Variants in KTN1 observed in about 807,000 individuals in gnomAD.
The protein encoded by KTN1 is kinectin 1, also known as kinectin.
In KTN1, 130 loss-of-function variants were observed where a neutral mutation model predicts 222.5. That is an observed-to-expected ratio of 0.58 (90% CI 0.51 to 0.68). The LOEUF is 0.68. KTN1 is among the 30% of genes least tolerant of loss of function. The probability of loss-of-function intolerance (pLI) is 0.00; values close to 1 mark genes in which losing one functional copy is unlikely to be tolerated. For missense variants in KTN1, 1,508 were observed against 1,500.4 expected, an observed-to-expected ratio of 1.01 and a Z score of -0.08; for synonymous variants, 512 against 496.3, an observed-to-expected ratio of 1.03 and a Z score of -0.42.
rs368475157 is a variant in KTN1 at position 55,628,025 on chromosome 14, C to T, written c.1077C>T (p.Thr359=). The part of the protein sequence containing the change: ...AATKDRCKQL[T]QEMMTEKERS... ...CAAAGGATCGGTGTAAGCAGTTAAC[C>T]CAGGTGAAGACATTCTTATGTACGA... Residue 359 remains threonine, a synonymous_variant, in exon 6 of 44, where the codon ACC becomes ACT. Transcript: ENST00000395314. 1.9e-6 allele frequency: 3 copies of T among 1,589,508 alleles called. No homozygotes were observed. Among genetic ancestry groups the T allele is most frequent in the South Asian group, 1.1e-5 (1 of 90,494 alleles).
intron 3 of KTN1, 30 bp downstream of exon 3, chr14:55,616,684 T>C: frequency 6.4e-7 from 1 of 1,554,468 alleles, no homozygotes. Context: ...ATTTTTATAA[T>C]GCTAATTCTA....
In KTN1 at chr14:55,630,047, C is replaced by G. The variant is rs2040338015; in HGVS notation, c.1171C>G (p.Gln391Glu). Residue 391 changes from glutamine to glutamate, a missense_variant, in exon 7 of 44, where the codon CAA (glutamine) becomes GAA (glutamate). Gln to Glu is a conservative substitution (Grantham distance 29). Transcript: ENST00000395314. ...ATTAGAAAAGGAACATAATGTATTTCAAAACAAAATACATGTCAGTTATCA... is the reference window on the plus strand; with the variant it reads ...ATTAGAAAAGGAACATAATGTATTTGAAAACAAAATACATGTCAGTTATCA... ...GTLEKEHNVF[Q>E]NKIHVSYQET... 1.9e-6 allele frequency: 3 copies of G among 1,604,066 alleles called. No individual in the cohort carries two copies. Among genetic ancestry groups the G allele is most frequent in the Non-Finnish European group, 8.5e-7 (1 of 1,171,116 alleles).
At position 55,636,474 on chromosome 14, in the gene KTN1, G is replaced by A; in HGVS notation, c.1487G>A (p.Arg496Lys). ...LKVQLQEAERRWEEVQSYIRK... is the reference protein window; with the variant it reads ...LKVQLQEAERKWEEVQSYIRK... ...GTTCAACTACAAGAAGCTGAGAGAA[G>A]GTGGGAAGAAGTTCAGAGCTACATC... Residue 496 changes from arginine to lysine, a missense_variant, in exon 10 of 44, where the codon AGG becomes AAG. Physicochemically the swap from Arg to Lys is conservative, Grantham distance 26. Transcript: ENST00000395314. The A allele has an allele frequency of 6.2e-7, 1 of 1,610,838 alleles. No individual in the cohort carries two copies. The highest frequency in any genetic ancestry group is 8.5e-7 in the Non-Finnish European group (1 of 1,178,298).
intron 43 of KTN1, 26 bp downstream of exon 43, chr14:55,679,711 C>A: frequency 6.2e-7 from 1 of 1,607,560 alleles, no homozygotes; most frequent in South Asian, 1.1e-5. Flanking sequence ...ATATTGCTGT[C>A]TATGGGTAAT....
At position 55,640,984 on chromosome 14, in the gene KTN1, T is replaced by C. The variant is rs759802801; in HGVS notation, c.2021+14T>C. 8.1e-6 allele frequency: 13 copies of C among 1,597,434 alleles called. No individual in the cohort carries two copies. Among genetic ancestry groups the C allele is most frequent in the Non-Finnish European group, 1.1e-5 (13 of 1,165,522 alleles). ...GATGCAACAAAGGTGACTAAAGTAT[T>C]GTACATCTAGTCGTTCATACATTTA... On this transcript the variant is annotated intron_variant, in intron 16 of 43. Transcript: ENST00000395314.
At position 55,669,137 on chromosome 14, in the gene KTN1, A is replaced by C. The variant is rs72719485; in HGVS notation, c.3268-1592A>C. On this transcript the variant is annotated intron_variant, in intron 34 of 43. Transcript: ENST00000395314. The stretch of plus-strand genomic sequence containing the variant: ...TTATGGAAATAATACTGGGGGATGT[A>C]TTTTTTGGCAGTACTTTATGAGCCA... Among the ~76,000 whole-genome samples the C allele has an allele frequency of 9.2e-3, 1,405 of 151,952 alleles. 21 individuals carry two copies. Among genetic ancestry groups the C allele is most frequent in the Non-Finnish European group, 0.016 (1,058 of 67,914 alleles).
chr14:55,580,539 T>C (rs7142200), intron 1 of KTN1, among the ~76,000 whole-genome samples, 185 bp downstream of exon 1: 80,484 of 149,776 alleles, frequency 0.54, 23,736 homozygotes, highest in African/African-American at 0.8. Flanking sequence ...GGGGCTCTTG[T>C]TGGGGCCGGG....
intron 20 of KTN1, 33 bp downstream of exon 20, chr14:55,648,148 A>T (rs17128657): frequency 0.27 from 306,056 of 1,116,094 alleles, 42,377 homozygotes; most frequent in Middle Eastern, 0.34. Context: ...TTTCCTTGTG[A>T]TTATTCAGTG....
At chr14:55,638,570 A>G (rs1009820236) in intron 12 of KTN1, among the ~76,000 whole-genome samples, 14 of 150,706 alleles carry the variant, frequency 9.3e-5, no homozygotes, top group African/African-American at 3.1e-4. Context: ...GACCATATAA[A>G]TATATTTTTC....
At chr14:55,593,907 G>A (rs2034589956) in intron 1 of KTN1, among the ~76,000 whole-genome samples, 1 of 151,796 alleles carries the variant, frequency 6.6e-6, no homozygotes, top group South Asian at 2.1e-4. Context: ...GGTGTCAGGC[G>A]ATGAACCTTG....
chr14:55,660,925 T>G (rs917055077), intron 31 of KTN1, among the ~76,000 whole-genome samples: 4 of 152,182 alleles, frequency 2.6e-5, no homozygotes, highest in African/African-American at 9.7e-5. Flanking sequence ...GAAGAGCTAT[T>G]TGTTATTTAA....
intron 1 of KTN1, among the ~76,000 whole-genome samples, chr14:55,594,498 G>GT (rs748582537): frequency 0.019 from 2,113 of 113,708 alleles, 29 homozygotes; most frequent in South Asian, 0.053. Flanking sequence ...GCAGAGTAGA[G>GT]TTTTTTTTTT....
chr14:55,663,803 CT>C, intron 32 of KTN1, 151 bp from the exon 33 acceptor site: 1 of 567,182 alleles, frequency 1.8e-6, no homozygotes, highest in Non-Finnish European at 3.1e-6. Context: ...CTAAACATTG[CT>C]TTTTATTTTT....
intron 41 of KTN1, among the ~76,000 whole-genome samples, chr14:55,677,792 A>T (rs2046014853): frequency 6.6e-6 from 1 of 152,160 alleles, no homozygotes; most frequent in Non-Finnish European, 1.5e-5. Context: ...TCCGCCTCCC[A>T]GGTTCAGTTG....
chr14:55,674,740 T>G (rs1012274343), intron 40 of KTN1: 2 of 152,206 alleles, frequency 1.3e-5, no homozygotes, highest in African/African-American at 4.8e-5. Flanking sequence ...TTTATCCCTC[T>G]ACTTCTGTCA....
At chr14:55,650,008 C>A (rs72719479) in intron 22 of KTN1, among the ~76,000 whole-genome samples, 195 bp downstream of exon 22, 106 of 143,114 alleles carry the variant, frequency 7.4e-4, no homozygotes, top group Non-Finnish European at 1.2e-3. Context: ...AAAAAAAAAA[C>A]AAAAAAAAAC....
Position 55,673,270 on chromosome 14 carries a change from C to T in KTN1, c.3771+15C>T, listed in dbSNP as rs1172875310. ...AGCTAAATTTGGTAAGAAGCTTGTC[C>T]TCCACTGGGTATCAAGTAGGCACTG... On this transcript the variant is annotated intron_variant, in intron 40 of 43. Coordinates refer to ENST00000395314, the MANE Select transcript of KTN1 (RefSeq NM_001079521.2). 2 of 1,547,874 alleles carry T rather than the reference C, an allele frequency of 1.3e-6. No homozygotes were observed. Among genetic ancestry groups the T allele is most frequent in the Non-Finnish European group, 1.8e-6 (2 of 1,120,514 alleles).
At chr14:55,653,494 T>C (rs886575731) in intron 27 of KTN1, 65 bp from the exon 28 acceptor site, 1 of 1,235,128 alleles carries the variant, frequency 8.1e-7, no homozygotes, top group Non-Finnish European at 1.2e-6. Context: ...TCCATATATA[T>C]GTTTTAGCAC....
chr14:55,659,307 G>GTTT (rs772118269), intron 30 of KTN1, among the ~76,000 whole-genome samples: 1 of 120,648 alleles, frequency 8.3e-6, no homozygotes, highest in Admixed American at 8.3e-5. Flanking sequence ...TTTGATTTCT[G>GTTT]TTTTTTTTTT....
Sources: allele counts gnomAD v4.1 joint callset (sites outside exome capture counted in the v4.1 genomes callset), GRCh38; gene constraint gnomAD v4.1.1; transcripts MANE v1.5; gene names NCBI Gene and HGNC (gene_info 2026-07-23, HGNC 2026-07-21).